Variants in SHANK2 observed in about 807,000 individuals in gnomAD.
SHANK2 encodes SH3 and multiple ankyrin repeat domains protein 2.
In SHANK2, 43 loss-of-function variants were observed where a neutral mutation model predicts 133.7. That is an observed-to-expected ratio of 0.32 (90% CI 0.25 to 0.41). The LOEUF (loss-of-function observed/expected upper bound fraction) is 0.41. Ranked by LOEUF, SHANK2 falls within the 10% of genes least tolerant of loss-of-function variation. The pLI, the probability that SHANK2 is intolerant of heterozygous loss-of-function variation, is 1.00. For missense variants in SHANK2, 1,994 were observed against 2,235.8 expected, an observed-to-expected ratio of 0.89 and a Z score of 2.18; for synonymous variants, 1,017 against 952.8, an observed-to-expected ratio of 1.07 and a Z score of -1.24.
rs1555155142 is a variant in SHANK2, at chr11:70,489,293, C to T, written c.2572+35G>A. On this transcript the variant is annotated intron_variant, in intron 24 of 25. Transcript: ENST00000601538. Reference sequence around the variant, plus strand: ...CTTATAAAGTAAACTGGGTTACATTCAGATTACAGATTCCAAACCGTAAGG... The same window carrying T: ...CTTATAAAGTAAACTGGGTTACATTTAGATTACAGATTCCAAACCGTAAGG... The T allele has an allele frequency of 2.5e-6, 4 of 1,602,146 alleles. No homozygotes were observed. The Admixed American group carries it at 5.0e-5, about 20-fold the overall frequency.
At chr11:71,171,988 C>T (rs1464959138) in intron 2 of SHANK2, among the ~76,000 whole-genome samples, 1 of 152,150 alleles carries the variant, frequency 6.6e-6, no homozygotes, top group Non-Finnish European at 1.5e-5. Context: ...GCCTGGGAGG[C>T]CTCCTTGGGG....
chr11:70,895,214 G>A (rs568542727), intron 11 of SHANK2, among the ~76,000 whole-genome samples: 2 of 152,344 alleles, frequency 1.3e-5, no homozygotes, highest in African/African-American at 4.8e-5. Flanking sequence ...GTTCTCCAAG[G>A]CGGGGTAGGT....
intron 17 of SHANK2, among the ~76,000 whole-genome samples, chr11:70,548,943 G>C (rs1278069504): frequency 6.6e-6 from 1 of 152,122 alleles, no homozygotes; most frequent in African/African-American, 2.4e-5. Flanking sequence ...CAGCCACCGG[G>C]AGCAGGAAGA....
chr11:70,543,853 C>T (rs77413455), intron 17 of SHANK2, among the ~76,000 whole-genome samples: 2,416 of 152,292 alleles, frequency 0.016, 85 homozygotes, highest in African/African-American at 0.055. Flanking sequence ...AACACACTCT[C>T]CAGGTGAGCA....
At chr11:70,591,324 T>C (rs2060318003) in intron 17 of SHANK2, among the ~76,000 whole-genome samples, 2 of 150,154 alleles carry the variant, frequency 1.3e-5, no homozygotes, top group Admixed American at 1.3e-4. Flanking sequence ...TGCACTCCAG[T>C]ATGGGCTACA....
At chr11:70,711,211 G>A (rs1334561079) in intron 14 of SHANK2, among the ~76,000 whole-genome samples, 1 of 152,184 alleles carries the variant, frequency 6.6e-6, no homozygotes, top group Non-Finnish European at 1.5e-5. Context: ...CTCCTGCAAC[G>A]TGCAGCCTTG....
chr11:71,154,583 A>G (rs1555108686), intron 2 of SHANK2, among the ~76,000 whole-genome samples: 1 of 152,234 alleles, frequency 6.6e-6, no homozygotes, highest in African/African-American at 2.4e-5. Flanking sequence ...AAGGGGGTGG[A>G]CTGCTCTGGA....
intron 3 of SHANK2, among the ~76,000 whole-genome samples, chr11:71,124,893 G>A (rs1360260583): frequency 7.9e-5 from 12 of 152,136 alleles, no homozygotes; most frequent in Non-Finnish European, 1.6e-4. Context: ...AACAGCACAC[G>A]CTCACTTCAT....
At chr11:70,809,170 GC>G (rs1324067775) in intron 12 of SHANK2, among the ~76,000 whole-genome samples, 2 of 152,216 alleles carry the variant, frequency 1.3e-5, no homozygotes, top group African/African-American at 4.8e-5. Flanking sequence ...CCGGGCACAT[GC>G]TCAGAAAGAC....
intron 11 of SHANK2, among the ~76,000 whole-genome samples, chr11:70,890,061 T>C (rs1949815911): frequency 6.6e-6 from 1 of 152,160 alleles, no homozygotes; most frequent in African/African-American, 2.4e-5. Context: ...TCCACCATCC[T>C]TCAAACATCA....
intron 17 of SHANK2, among the ~76,000 whole-genome samples, chr11:70,504,019 G>A (rs782063369): frequency 2.7e-4 from 41 of 152,330 alleles, no homozygotes; most frequent in Non-Finnish European, 4.6e-4. Flanking sequence ...GAATGGGAGC[G>A]CAGCCCAGAG....
chr11:71,073,447 C>A (rs1240683617), intron 9 of SHANK2, among the ~76,000 whole-genome samples: 1 of 151,334 alleles, frequency 6.6e-6, no homozygotes, highest in African/African-American at 2.4e-5. Context: ...AGTGAGCCAC[C>A]GCGCCTGGCC....
At chr11:70,709,225 C>T (rs935569879) in intron 14 of SHANK2, among the ~76,000 whole-genome samples, 2 of 152,164 alleles carry the variant, frequency 1.3e-5, no homozygotes, top group African/African-American at 2.4e-5. Flanking sequence ...CAAAACAAAA[C>T]AAAACATACT....
chr11:70,894,480 C>T (rs1248865036), intron 11 of SHANK2, among the ~76,000 whole-genome samples: 3 of 152,176 alleles, frequency 2.0e-5, no homozygotes, highest in Admixed American at 6.5e-5. Flanking sequence ...AGACACCGCG[C>T]CTGGCCCCTC....
chr11:70,605,530 C>T (rs1009745795), intron 17 of SHANK2, among the ~76,000 whole-genome samples: 7 of 152,258 alleles, frequency 4.6e-5, no homozygotes, highest in Non-Finnish European at 1.0e-4. Flanking sequence ...ATGTGAGCTC[C>T]TGCAGATTTC....
rs79023093 is a variant in SHANK2 at position 70,873,238 on chromosome 11, G to C, written c.1174+23263C>G. On this transcript the variant is annotated intron_variant, in intron 11 of 25. Transcript: ENST00000601538. ...TGAGTTTTGCCTTTCAAATGCATTT[G>C]ATACAATTTGCTTGGAAGGCATTAA... 126 of 418,370 alleles carry C rather than the reference G, an allele frequency of 3.0e-4. 1 individual carries two copies. The highest frequency in any genetic ancestry group is 7.2e-4 in the South Asian group (41 of 57,118). The allele number at this position is 418,370 out of a possible 1,614,324, so 25.9% of individuals were successfully genotyped here.
At chr11:71,118,766 C>T (rs191837870) in intron 4 of SHANK2, 63 bp downstream of exon 4, 93 of 1,380,678 alleles carry the variant, frequency 6.7e-5, no homozygotes, top group Non-Finnish European at 9.0e-5. Context: ...ATGTCTCCCC[C>T]ACCCACCATG....
At chr11:71,088,584 A>G (rs1951450466) in intron 8 of SHANK2, among the ~76,000 whole-genome samples, 1 of 152,160 alleles carries the variant, frequency 6.6e-6, no homozygotes, top group Non-Finnish European at 1.5e-5. Context: ...TGTTCGGTGG[A>G]GACCCTGTGA....
At chr11:70,636,681 CTG>C (rs1565201616) in intron 17 of SHANK2, among the ~76,000 whole-genome samples, 1 of 129,250 alleles carries the variant, frequency 7.7e-6, no homozygotes, top group Non-Finnish European at 1.8e-5. Context: ...GTGTGAGCAT[CTG>C]TGTATGTGTA....
Sources: gnomAD v4.1 joint callset for allele counts (sites outside exome capture counted in the v4.1 genomes callset) on GRCh38, gnomAD v4.1.1 for gene constraint, MANE v1.5 for transcripts, NCBI Gene and HGNC (gene_info 2026-07-23, HGNC 2026-07-21) for gene names.